CDH13: variants seen among roughly 807,000 people sequenced by gnomAD.
CDH13 encodes the protein cadherin-13.
A neutral mutation model predicts 63.8 loss-of-function variants in CDH13; 24 were observed. The observed-to-expected ratio is 0.38, with a 90% CI of 0.27 to 0.53. The LOEUF (loss-of-function observed/expected upper bound fraction) is 0.53, where lower values mean the gene tolerates loss of function less well. Ranked by LOEUF, CDH13 falls within the 20% of genes least tolerant of loss-of-function variation. CDH13 has a pLI of 0.85. For synonymous variants in CDH13, 503 were observed against 355.3 expected, an observed-to-expected ratio of 1.42 and a Z score of -4.67; for missense variants, 1,049 against 903.1, an observed-to-expected ratio of 1.16 and a Z score of -2.07.
At chr16:82,978,797 C>G (rs1385962715) in intron 2 of CDH13, among the ~76,000 whole-genome samples, 5 of 152,242 alleles carry the variant, frequency 3.3e-5, no homozygotes, top group Admixed American at 6.5e-5. Flanking sequence ...AGCCCCCACA[C>G]AGAGTCCCCA....
intron 9 of CDH13, among the ~76,000 whole-genome samples, chr16:83,677,486 C>T (rs1598460052): frequency 6.9e-6 from 1 of 144,018 alleles, no homozygotes; most frequent in South Asian, 2.2e-4. Context: ...ATTGAAAATG[C>T]TCCCATACAT....
intron 2 of CDH13, among the ~76,000 whole-genome samples, chr16:82,940,169 T>G (rs1047650174): frequency 1.3e-5 from 2 of 152,160 alleles, no homozygotes; most frequent in Non-Finnish European, 2.9e-5. Flanking sequence ...GAGATTTGGG[T>G]TGGGGACGCA....
chr16:83,227,035 G>T (rs140348089), intron 5 of CDH13, among the ~76,000 whole-genome samples: 2 of 152,228 alleles, frequency 1.3e-5, no homozygotes, highest in African/African-American at 4.8e-5. Context: ...GTCCTCCTAC[G>T]CTGGGACCCT....
intron 6 of CDH13, among the ~76,000 whole-genome samples, chr16:83,432,029 G>A (rs1334608496): frequency 3.9e-5 from 6 of 152,158 alleles, no homozygotes; most frequent in African/African-American, 1.4e-4. Flanking sequence ...AAGGAGGAAG[G>A]GGAGAAACAG....
At chr16:82,660,037 T>G (rs752068757) in intron 1 of CDH13, among the ~76,000 whole-genome samples, 1 of 152,152 alleles carries the variant, frequency 6.6e-6, no homozygotes, top group African/African-American at 2.4e-5. Context: ...AATGAGCTAA[T>G]TTGGAGGCTT....
intron 10 of CDH13, chr16:83,720,983 G>A (rs908620210): frequency 6.6e-6 from 1 of 152,274 alleles, no homozygotes; most frequent in Non-Finnish European, 1.5e-5. Context: ...CTGCCACCAG[G>A]AGGTTTCATG....
intron 1 of CDH13, among the ~76,000 whole-genome samples, chr16:82,804,580 C>G (rs142750378): frequency 6.6e-6 from 1 of 152,118 alleles, no homozygotes; most frequent in African/African-American, 2.4e-5. Context: ...TCCTCATTTT[C>G]CCCATATGAA....
intron 2 of CDH13, among the ~76,000 whole-genome samples, chr16:83,001,392 A>T (rs1451722767): frequency 6.6e-6 from 1 of 152,234 alleles, no homozygotes; most frequent in Non-Finnish European, 1.5e-5. Flanking sequence ...GTTATTCAGC[A>T]TGTTCAAGCA....
chr16:83,504,742 A>G (rs1487411845), intron 7 of CDH13, among the ~76,000 whole-genome samples: 1 of 152,176 alleles, frequency 6.6e-6, no homozygotes, highest in East Asian at 1.9e-4. Context: ...AGGGCAGATA[A>G]TGAGATTTTC....
At chr16:82,986,453 T>C (rs1356402867) in intron 2 of CDH13, among the ~76,000 whole-genome samples, 1 of 152,244 alleles carries the variant, frequency 6.6e-6, no homozygotes, top group Non-Finnish European at 1.5e-5. Flanking sequence ...TCTCTCAGAT[T>C]TCTTATTGTC....
chr16:83,254,733 T>A (rs916281544), intron 5 of CDH13, among the ~76,000 whole-genome samples: 5 of 152,220 alleles, frequency 3.3e-5, no homozygotes, highest in Admixed American at 3.3e-4. Flanking sequence ...TCCAGGATTT[T>A]GCTTAGCTTT....
chr16:83,031,246 C>A (rs1248234326), intron 2 of CDH13, among the ~76,000 whole-genome samples: 3 of 145,742 alleles, frequency 2.1e-5, no homozygotes, highest in Non-Finnish European at 3.1e-5. Flanking sequence ...CATATACATG[C>A]GCATGTATAC....
At chr16:83,788,920 T>G (rs180735345) in intron 13 of CDH13, among the ~76,000 whole-genome samples, 1 of 152,314 alleles carries the variant, frequency 6.6e-6, no homozygotes. Context: ...GACAGTAGTT[T>G]CAGCCCCCAA....
chr16:83,682,362 C>A (rs1915478309), intron 10 of CDH13, among the ~76,000 whole-genome samples: 1 of 152,056 alleles, frequency 6.6e-6, no homozygotes, highest in Non-Finnish European at 1.5e-5. Flanking sequence ...TGCACATGTG[C>A]AGCAGCTGTA....
chr16:82,840,268 G>C (rs1446210969), intron 1 of CDH13, among the ~76,000 whole-genome samples: 3 of 151,932 alleles, frequency 2.0e-5, no homozygotes, highest in African/African-American at 7.2e-5. Context: ...GTGAAGCTGA[G>C]GAGGGCGATG....
intron 2 of CDH13, among the ~76,000 whole-genome samples, chr16:82,934,814 C>G (rs765594342): frequency 6.6e-6 from 1 of 152,236 alleles, no homozygotes; most frequent in African/African-American, 2.4e-5. Flanking sequence ...AGTTCCTCAT[C>G]TCTGTCTGAG....
intron 5 of CDH13, among the ~76,000 whole-genome samples, chr16:83,243,539 G>A (rs1425177567): frequency 6.6e-6 from 1 of 152,076 alleles, no homozygotes; most frequent in African/African-American, 2.4e-5. Context: ...GATTTGGGTG[G>A]GGACACAGCC....
At chr16:82,979,542 G>C (rs114348352) in intron 2 of CDH13, among the ~76,000 whole-genome samples, 1 of 152,060 alleles carries the variant, frequency 6.6e-6, no homozygotes, top group African/African-American at 2.4e-5. Flanking sequence ...TATAAAGGGC[G>C]TTTCCCCCTT....
intron 7 of CDH13, among the ~76,000 whole-genome samples, chr16:83,570,276 G>A (rs1904451941): frequency 6.6e-6 from 1 of 152,110 alleles, no homozygotes; most frequent in African/African-American, 2.4e-5. Flanking sequence ...AAACCACCTT[G>A]AGGACTAGCA....
Sources: allele counts gnomAD v4.1 joint callset (sites outside exome capture counted in the v4.1 genomes callset), GRCh38; gene constraint gnomAD v4.1.1; transcripts MANE v1.5; gene names NCBI Gene and HGNC (gene_info 2026-07-23, HGNC 2026-07-21).